The following GABRB3 variants were observed in gnomAD, a reference collection of about 807,000 sequenced individuals.
GABRB3 encodes the protein gamma-aminobutyric acid receptor subunit beta-3.
A neutral mutation model predicts 52.1 loss-of-function variants in GABRB3; 14 were observed. The observed-to-expected ratio is 0.27, with a 90% confidence interval of 0.18 to 0.42. The LOEUF (loss-of-function observed/expected upper bound fraction) is 0.42. Ranked by LOEUF, GABRB3 falls within the 10% of genes least tolerant of loss-of-function variation. GABRB3 has a pLI of 1.00. For synonymous variants in GABRB3, 260 were observed against 232.3 expected (o/e 1.12, Z -1.08); for missense variants, 307 against 609.1 (o/e 0.50, Z 5.22).
intron 3 of GABRB3, among the ~76,000 whole-genome samples, chr15:26,665,658 G>A (rs916109281): frequency 6.6e-6 from 1 of 152,164 alleles, no homozygotes; most frequent in Non-Finnish European, 1.5e-5. Flanking sequence ...GGGCACTCAT[G>A]TTGGAAGGGC....
chr15:26,605,686 T>G (rs1441593454), intron 4 of GABRB3, among the ~76,000 whole-genome samples: 1 of 152,112 alleles, frequency 6.6e-6, no homozygotes. Context: ...AAGACAAACA[T>G]CACATGTTCT....
At chr15:26,641,218 C>A (rs1251264449) in intron 3 of GABRB3, among the ~76,000 whole-genome samples, 4 of 152,240 alleles carry the variant, frequency 2.6e-5, no homozygotes, top group Non-Finnish European at 4.4e-5. Flanking sequence ...GAATGACAGC[C>A]TGCAATTATC....
intron 3 of GABRB3, among the ~76,000 whole-genome samples, chr15:26,683,353 T>G (rs1374226897): frequency 0.029 from 4,365 of 152,204 alleles, 210 homozygotes; most frequent in African/African-American, 0.098. Flanking sequence ...ACCTGGAGTT[T>G]CAGAGCTCCC....
rs566440218 is a variant in GABRB3 at position 26,578,974 on chromosome 15, T to G, written c.682+1345A>C. On this transcript the variant is annotated intron_variant, in intron 6 of 8. Coordinates refer to ENST00000311550, the MANE Select transcript of GABRB3 (RefSeq NM_000814.6). ...CTTCTCCGGAGAATGCAGGGACATC[T>G]GCAAGACCTCTTGAGGTGGAGGATA... Among the ~76,000 whole-genome samples the G allele has an allele frequency of 1.5e-3, 222 of 152,356 alleles. 1 individual carries two copies. Among genetic ancestry groups the G allele is most frequent in the African/African-American group, 5.1e-3 (214 of 41,584 alleles).
At position 26,586,243 on chromosome 15, in the gene GABRB3, C is replaced by G. The variant is rs140144095; in HGVS notation, c.462-2829G>C. On this transcript the variant is annotated intron_variant, in intron 4 of 8. Transcript: ENST00000311550. ...CTCGATCTCCTGACCCCGATCCACC[C>G]GCCTTGGTCTCCTAAAGTGCTGGGA... Among the ~76,000 whole-genome samples the G allele has an allele frequency of 1.8e-3, 280 of 152,174 alleles. 6 individuals carry two copies. In the East Asian group the frequency reaches 0.036, roughly 20 times the overall value.
intron 3 of GABRB3, among the ~76,000 whole-genome samples, chr15:26,707,536 G>A (rs1221507835): frequency 6.6e-6 from 1 of 152,160 alleles, no homozygotes; most frequent in Non-Finnish European, 1.5e-5. Flanking sequence ...TCCACCATAG[G>A]TCATGGAAAA....
At chr15:26,561,206 G>A (rs766326650) in intron 7 of GABRB3, 30 bp from the exon 8 acceptor site, 2 of 1,611,860 alleles carry the variant, frequency 1.2e-6, no homozygotes, top group East Asian at 2.2e-5. Flanking sequence ...GTGAGAGGCT[G>A]AAACTTTGCC....
chr15:26,686,971 G>C (rs1482661544), intron 3 of GABRB3, among the ~76,000 whole-genome samples: 1 of 152,264 alleles, frequency 6.6e-6, no homozygotes, highest in Non-Finnish European at 1.5e-5. Flanking sequence ...GCATAAGCTA[G>C]ATGACCACGC....
At chr15:26,610,932 T>C (rs1892045606) in intron 4 of GABRB3, among the ~76,000 whole-genome samples, 1 of 152,224 alleles carries the variant, frequency 6.6e-6, no homozygotes, top group African/African-American at 2.4e-5. Flanking sequence ...TATAAAATCA[T>C]AACTCAGCCA....
intron 3 of GABRB3, among the ~76,000 whole-genome samples, chr15:26,720,549 A>T (rs550321459): frequency 6.6e-5 from 10 of 152,324 alleles, no homozygotes; most frequent in Admixed American, 2.6e-4. Flanking sequence ...GTTTTTAAAA[A>T]TTGGCAACTG....
At chr15:26,686,629 T>C (rs1056141981) in intron 3 of GABRB3, among the ~76,000 whole-genome samples, 8 of 152,182 alleles carry the variant, frequency 5.3e-5, no homozygotes, top group Non-Finnish European at 7.3e-5. Flanking sequence ...ATACCCCAGA[T>C]CAAAGGGTTT....
intron 3 of GABRB3, among the ~76,000 whole-genome samples, chr15:26,764,689 G>A (rs116230109): frequency 1.9e-3 from 287 of 152,234 alleles, no homozygotes; most frequent in African/African-American, 6.7e-3. Flanking sequence ...AAATTTTGCA[G>A]CTAGACAATC....
chr15:26,718,854 C>T (rs777952124), intron 3 of GABRB3, among the ~76,000 whole-genome samples: 11 of 152,182 alleles, frequency 7.2e-5, no homozygotes, highest in African/African-American at 1.2e-4. Context: ...TTGGGCTCAG[C>T]TCGCAAGCCC....
intron 8 of GABRB3, among the ~76,000 whole-genome samples, chr15:26,551,933 T>C (rs1889483696): frequency 6.6e-6 from 1 of 151,878 alleles, no homozygotes; most frequent in Non-Finnish European, 1.5e-5. Flanking sequence ...ATATTTTTTA[T>C]CCAGCAGAAG....
intron 3 of GABRB3, among the ~76,000 whole-genome samples, chr15:26,685,912 C>T (rs568267521): frequency 3.7e-4 from 56 of 151,720 alleles, no homozygotes; most frequent in African/African-American, 1.3e-3. Flanking sequence ...TCAGGTGTTC[C>T]TCCCACTTCA....
At chr15:26,661,501 A>G (rs3892067) in intron 3 of GABRB3, among the ~76,000 whole-genome samples, 21,202 of 152,090 alleles carry the variant, frequency 0.14, 2,102 homozygotes, top group African/African-American at 0.28. Flanking sequence ...ATCCCTTTTC[A>G]TCATCATATT....
chr15:26,574,099 TG>T (rs1890509181), intron 6 of GABRB3, among the ~76,000 whole-genome samples: 2 of 152,150 alleles, frequency 1.3e-5, no homozygotes, highest in African/African-American at 4.8e-5. Flanking sequence ...ATTGTTTAAC[TG>T]GGAAGAGGCT....
intron 3 of GABRB3, among the ~76,000 whole-genome samples, chr15:26,766,945 T>C (rs1473440617): frequency 6.6e-6 from 1 of 152,124 alleles, no homozygotes; most frequent in Non-Finnish European, 1.5e-5. Context: ...GCAAAAAGCA[T>C]TCTCATTTTG....
At position 26,543,593 on chromosome 15, in the gene GABRB3, CAA is replaced by C. The variant is rs1376245072; in HGVS notation, c.*4198_*4199del. 1 of 152,564 alleles carries C rather than the reference CAA, an allele frequency of 6.6e-6. No homozygotes were observed. Among genetic ancestry groups the C allele is most frequent in the African/African-American group, 2.4e-5 (1 of 41,402 alleles). The allele number at this position is 152,564 out of a possible 1,614,324, so 9.5% of individuals were successfully genotyped here. On this transcript the variant is annotated 3_prime_UTR_variant, in exon 9 of 9. Transcript: ENST00000311550. ...TAATAAATTTGAATTCATTCATCAA[CAA>C]GTTTCATATTGTATCTATCACTCAA...
Sources: gnomAD v4.1 joint callset for allele counts (sites outside exome capture counted in the v4.1 genomes callset) on GRCh38, gnomAD v4.1.1 for gene constraint, MANE v1.5 for transcripts, NCBI Gene and HGNC (gene_info 2026-07-23, HGNC 2026-07-21) for gene names.